The following MPP7 variants were observed in gnomAD, a reference collection of about 807,000 sequenced individuals.
MPP7 encodes MAGUK p55 scaffold protein 7.
A neutral mutation model predicts 76.5 loss-of-function variants in MPP7; 60 were observed. That is an observed-to-expected ratio of 0.78 (90% CI 0.64 to 0.97). MPP7 has a LOEUF of 0.97. Ranked by LOEUF, MPP7 falls within the 50% of genes least tolerant of loss-of-function variation. The pLI, the probability that MPP7 is intolerant of heterozygous loss-of-function variation, is 0.00. For synonymous variants in MPP7, 237 were observed against 244.5 expected (o/e 0.97, Z 0.29); for missense variants, 641 against 694.0 (o/e 0.92, Z 0.86).
At chr10:28,160,564 A>G (rs2133820829) in intron 3 of MPP7, among the ~76,000 whole-genome samples, 1 of 152,288 alleles carries the variant, frequency 6.6e-6, no homozygotes, top group South Asian at 2.1e-4. Flanking sequence ...GAGCCTCCCC[A>G]CAAAATAGTC....
chr10:28,103,830 TTC>T (rs1736405232), intron 11 of MPP7, among the ~76,000 whole-genome samples: 1 of 151,954 alleles, frequency 6.6e-6, no homozygotes, highest in South Asian at 2.1e-4. Context: ...GCTAAGGTGG[TTC>T]TCTCTCGAGA....
At chr10:28,179,010 G>A (rs1836969075) in intron 3 of MPP7, among the ~76,000 whole-genome samples, 1 of 152,178 alleles carries the variant, frequency 6.6e-6, no homozygotes, top group African/African-American at 2.4e-5. Context: ...AGATGGAAGA[G>A]GAGAAGAGCT....
chr10:28,222,552 A>G (rs1334530670), intron 2 of MPP7, among the ~76,000 whole-genome samples: 1 of 152,020 alleles, frequency 6.6e-6, no homozygotes, highest in African/African-American at 2.4e-5. Flanking sequence ...AATGAATATT[A>G]CAATTTTTAA....
chr10:28,122,500 T>A (rs1834873951), intron 8 of MPP7, among the ~76,000 whole-genome samples: 1 of 152,214 alleles, frequency 6.6e-6, no homozygotes, highest in Non-Finnish European at 1.5e-5. Context: ...GTTCTACTAA[T>A]AATTTATCCC....
chr10:28,269,360 C>T (rs565911205), intron 1 of MPP7, among the ~76,000 whole-genome samples: 4 of 152,250 alleles, frequency 2.6e-5, no homozygotes, highest in African/African-American at 9.6e-5. Flanking sequence ...TAATCTAGTC[C>T]AACCTTGCAT....
rs1851406007 is a variant in MPP7 at position 28,052,753 on chromosome 10, ACT to A, written c.*1310_*1311del. 1 of 152,044 alleles carries A rather than the reference ACT, an allele frequency of 6.6e-6. No individual in the cohort carries two copies. The highest frequency in any genetic ancestry group is 1.5e-5 in the Non-Finnish European group (1 of 68,006). The allele number at this position is 152,044 out of a possible 1,614,324, so 9.4% of individuals were successfully genotyped here. The stretch of plus-strand genomic sequence containing the variant: ...CTATTTTTTTTCACATGACATTTAA[ACT>A]CTCTTTACAAATCAACAAAAAAATA... On this transcript the variant is annotated 3_prime_UTR_variant, in exon 17 of 17. Transcript: ENST00000683449.
intron 2 of MPP7, chr10:28,236,488 A>C (rs930122896): frequency 1.3e-5 from 2 of 152,148 alleles, no homozygotes; most frequent in Admixed American, 6.6e-5. Context: ...AGGAAAAGAG[A>C]CTCAAAAACA....
At chr10:28,193,780 A>G (rs1837489694) in intron 3 of MPP7, among the ~76,000 whole-genome samples, 1 of 152,124 alleles carries the variant, frequency 6.6e-6, no homozygotes, top group Non-Finnish European at 1.5e-5. Flanking sequence ...AAGAAGATGT[A>G]TAGATAAAAA....
At chr10:28,129,673 C>T (rs989654490) in intron 6 of MPP7, among the ~76,000 whole-genome samples, 6 of 152,082 alleles carry the variant, frequency 3.9e-5, no homozygotes, top group African/African-American at 1.4e-4. Context: ...CAGTGAATTT[C>T]AGATTGAGCC....
chr10:28,293,017 T>A (rs1589035135), intron 1 of MPP7, among the ~76,000 whole-genome samples: 1 of 130,360 alleles, frequency 7.7e-6, no homozygotes, highest in Non-Finnish European at 1.6e-5. Context: ...AATGGAGAAA[T>A]ATTTCCTACA....
intron 3 of MPP7, among the ~76,000 whole-genome samples, chr10:28,165,533 A>G (rs1264670792): frequency 5.4e-5 from 2 of 37,310 alleles, no homozygotes; most frequent in Non-Finnish European, 9.9e-5. Flanking sequence ...CTCTAAGAAA[A>G]GGAAAAAAAA....
At chr10:28,299,584 A>G (rs542553134) in intron 1 of MPP7, among the ~76,000 whole-genome samples, 24 of 152,298 alleles carry the variant, frequency 1.6e-4, no homozygotes, top group Middle Eastern at 3.4e-3. Flanking sequence ...GACACACAAA[A>G]TGAACATACA....
chr10:28,172,406 C>T (rs1388661298), intron 3 of MPP7, among the ~76,000 whole-genome samples: 2 of 152,206 alleles, frequency 1.3e-5, no homozygotes, highest in Non-Finnish European at 2.9e-5. Context: ...ACGTGGCACA[C>T]GCCGAAGTCT....
intron 2 of MPP7, among the ~76,000 whole-genome samples, chr10:28,325,157 G>T (rs1244609048): frequency 6.6e-6 from 1 of 152,142 alleles, no homozygotes; most frequent in African/African-American, 2.4e-5. Context: ...GCCTCCTAAA[G>T]TTCTGGGATT....
chr10:28,099,621 A>G (rs577084995), intron 11 of MPP7, among the ~76,000 whole-genome samples: 2 of 152,230 alleles, frequency 1.3e-5, no homozygotes, highest in Admixed American at 1.3e-4. Flanking sequence ...CCTGACCAAC[A>G]TGGAGAAACC....
intron 1 of MPP7, among the ~76,000 whole-genome samples, chr10:28,282,581 G>A (rs552740153): frequency 2.6e-5 from 4 of 152,100 alleles, no homozygotes; most frequent in African/African-American, 4.8e-5. Flanking sequence ...ATGGGCAAAC[G>A]CACAATTGGG....
At chr10:28,149,896 C>T in intron 4 of MPP7, 86 bp downstream of exon 4, 2 of 885,744 alleles carry the variant, frequency 2.3e-6, no homozygotes, top group Non-Finnish European at 3.5e-6. Flanking sequence ...CATAGGATCA[C>T]ACGCATCTGT....
chr10:28,231,062 ATT>A (rs1434340308), intron 2 of MPP7, among the ~76,000 whole-genome samples: 3 of 152,016 alleles, frequency 2.0e-5, no homozygotes, highest in Non-Finnish European at 4.4e-5. Flanking sequence ...CAGAATACTT[ATT>A]GAAATTAACC....
chr10:28,145,522 T>C (rs1471697873), intron 5 of MPP7, among the ~76,000 whole-genome samples: 1 of 152,180 alleles, frequency 6.6e-6, no homozygotes, highest in Admixed American at 6.5e-5. Flanking sequence ...TAAAATTTAT[T>C]TGGGGGCTTA....
Sources: allele counts gnomAD v4.1 joint callset (sites outside exome capture counted in the v4.1 genomes callset), GRCh38; gene constraint gnomAD v4.1.1; transcripts MANE v1.5; gene names NCBI Gene and HGNC (gene_info 2026-07-23, HGNC 2026-07-21).